Variants in RASGRF2 observed in about 807,000 individuals in gnomAD.
RASGRF2 encodes the protein Ras protein specific guanine nucleotide releasing factor 2.
In RASGRF2, 76 loss-of-function variants were observed where a neutral mutation model predicts 151.0. That is an observed-to-expected ratio of 0.50 (90% CI 0.42 to 0.61). RASGRF2 has a LOEUF of 0.61. Ranked by LOEUF, RASGRF2 falls within the 20% of genes least tolerant of loss-of-function variation. RASGRF2 has a pLI of 0.00. For synonymous variants in RASGRF2, 504 were observed against 566.5 expected, an observed-to-expected ratio of 0.89 and a Z score of 1.57; for missense variants, 1,148 against 1,564.6, an observed-to-expected ratio of 0.73 and a Z score of 4.49.
At chr5:81,217,618 C>A in intron 25 of RASGRF2, 145 bp downstream of exon 25, 1 of 651,880 alleles carries the variant, frequency 1.5e-6, no homozygotes, top group Non-Finnish European at 2.2e-6. Context: ...CTCAGTCTAT[C>A]GCCCAGGCTG....
At chr5:81,007,484 A>C (rs1749309958) in intron 1 of RASGRF2, among the ~76,000 whole-genome samples, 1 of 152,080 alleles carries the variant, frequency 6.6e-6, no homozygotes, top group Non-Finnish European at 1.5e-5. Context: ...ACACCTCCAC[A>C]CTGGCACCAA....
intron 2 of RASGRF2, among the ~76,000 whole-genome samples, chr5:81,061,705 T>A (rs1751438682): frequency 6.6e-6 from 1 of 151,866 alleles, no homozygotes; most frequent in African/African-American, 2.4e-5. Context: ...CCTTCCTTTC[T>A]GAGATAGGGT....
At position 81,085,914 on chromosome 5, in the gene RASGRF2, A is replaced by T; in HGVS notation, c.1271+3A>T. ...TCAAAGCTAGAGGAACTATCCAGGT[A>T]TGCCAAGAACTTATAACAAAGGCTT... On this transcript the variant is annotated splice_donor_region_variant and intron_variant, in intron 8 of 26. Transcript: ENST00000265080. 1 of 1,614,114 alleles carries T rather than the reference A, an allele frequency of 6.2e-7. No homozygotes were observed. The highest frequency in any genetic ancestry group is 8.5e-7 in the Non-Finnish European group (1 of 1,179,968).
intron 19 of RASGRF2, among the ~76,000 whole-genome samples, chr5:81,205,988 A>T (rs1033660753): frequency 2.0e-5 from 3 of 152,060 alleles, no homozygotes; most frequent in African/African-American, 7.2e-5. Context: ...TGACCTCATG[A>T]TCTGCCCTCC....
At chr5:81,064,522 C>T (rs566721690) in intron 2 of RASGRF2, among the ~76,000 whole-genome samples, 3 of 152,226 alleles carry the variant, frequency 2.0e-5, no homozygotes, top group Non-Finnish European at 4.4e-5. Context: ...ATTAGGGGGC[C>T]ATCTTAGATG....
At position 81,113,554 on chromosome 5, in the gene RASGRF2, T is replaced by G. The variant is rs1753061115; in HGVS notation, c.2104T>G (p.Phe702Val). The change falls in exon 15 of 27, where the codon TTT (phenylalanine) becomes GTT (valine). Residue 702 changes from phenylalanine (F) to valine (V), a missense_variant. By Grantham distance (50) the Phe-to-Val change is conservative. Transcript: ENST00000265080. ...SIPVRSLELF[F>V]ATSQNNRGEH... ...CATTTTTAGGTCATTGGAATTGTTT[T>G]TTGCTACCAGCCAGAACAACAGAGG... 2.5e-6 allele frequency: 4 copies of G among 1,611,018 alleles called. No individual in the cohort carries two copies. Among genetic ancestry groups the G allele is most frequent in the Non-Finnish European group, 3.4e-6 (4 of 1,177,442 alleles).
intron 1 of RASGRF2, among the ~76,000 whole-genome samples, chr5:81,017,501 G>C (rs564203926): frequency 6.6e-6 from 1 of 152,306 alleles, no homozygotes; most frequent in South Asian, 2.1e-4. Flanking sequence ...AGGTTTAAAG[G>C]GAATTGAACC....
chr5:80,960,588 G>A lies in RASGRF2; in HGVS notation c.-151G>A. The A allele has an allele frequency of 1.4e-6, 1 of 716,018 alleles. No individual in the cohort carries two copies. The highest frequency in any genetic ancestry group is 1.9e-6 in the Non-Finnish European group (1 of 524,604). 44.4% of individuals were successfully genotyped at this position (716,018 alleles called of 1,614,324 possible). On this transcript the variant is annotated 5_prime_UTR_variant, in exon 1 of 27. Transcript: ENST00000265080. This position sits in a 1 kb window ranked among gnomAD's most constrained non-coding sequence, Gnocchi z 5.5. The stretch of plus-strand genomic sequence containing the variant: ...CCGCGCGCCGCGGCCTCCCGAAAGC[G>A]GGCGGGGTGCCCTGCGCGCGGCGTG...
At chr5:80,966,911 TAATATACTACAG>T (rs1486897316) in intron 1 of RASGRF2, among the ~76,000 whole-genome samples, 1 of 152,194 alleles carries the variant, frequency 6.6e-6, no homozygotes, top group African/African-American at 2.4e-5. Context: ...TTTATTTAAC[TAATATACTACAG>T]TGTTTCTTTT....
chr5:81,073,687 C>T (rs1028109629), intron 5 of RASGRF2, among the ~76,000 whole-genome samples: 18 of 152,118 alleles, frequency 1.2e-4, no homozygotes, highest in African/African-American at 3.1e-4. Context: ...GGCACAATCT[C>T]GGCTCACTGC....
At chr5:81,107,422 T>C (rs1752875972) in intron 12 of RASGRF2, among the ~76,000 whole-genome samples, 2 of 152,156 alleles carry the variant, frequency 1.3e-5, no homozygotes, top group African/African-American at 4.8e-5. Flanking sequence ...ATTCAATATT[T>C]CTCTTGATGA....
intron 18 of RASGRF2, among the ~76,000 whole-genome samples, chr5:81,186,741 C>T (rs1006597752): frequency 3.3e-5 from 5 of 152,282 alleles, no homozygotes; most frequent in East Asian, 1.9e-4. Context: ...AGAATTTTTA[C>T]GTCTCCAAAA....
intron 9 of RASGRF2, 23 bp downstream of exon 9, chr5:81,086,976 C>T (rs1752248058): frequency 1.9e-6 from 3 of 1,578,280 alleles, no homozygotes; most frequent in Non-Finnish European, 2.6e-6. Flanking sequence ...GAAATGGACC[C>T]GCGACCTGAT....
chr5:81,061,655 T>C (rs1195041223), intron 2 of RASGRF2, among the ~76,000 whole-genome samples: 1 of 151,560 alleles, frequency 6.6e-6, no homozygotes, highest in African/African-American at 2.4e-5. Context: ...ACTATAGGTG[T>C]ATGCTACCAC....
intron 1 of RASGRF2, among the ~76,000 whole-genome samples, chr5:81,023,609 G>A (rs1470296633): frequency 6.6e-6 from 1 of 152,252 alleles, no homozygotes; most frequent in East Asian, 1.9e-4. Flanking sequence ...TCCTAAAAGT[G>A]TAACATGTAG....
At chr5:81,026,800 CT>C (rs1750051309) in intron 1 of RASGRF2, among the ~76,000 whole-genome samples, 1 of 151,988 alleles carries the variant, frequency 6.6e-6, no homozygotes, top group Admixed American at 6.6e-5. Context: ...GTTATATTAA[CT>C]TTTTTATACT....
intron 19 of RASGRF2, among the ~76,000 whole-genome samples, chr5:81,203,787 G>A (rs1755446989): frequency 6.6e-6 from 1 of 152,220 alleles, no homozygotes; most frequent in Non-Finnish European, 1.5e-5. Flanking sequence ...AAATGTGTAA[G>A]GAGGTTAACA....
In RASGRF2 at chr5:81,042,904, G is replaced by C. The variant is rs267600713; in HGVS notation, c.316G>C (p.Glu106Gln). ...TTACTTTACTGTTCTTTTTGGCCAT[G>C]AAGGTCAGAAGCCACTGGAGCTGCG... ...QYYFTVLFGH[E>Q]GQKPLELRCE... The change falls in exon 2 of 27, where the codon GAA (glutamate) becomes CAA (glutamine). Residue 106 changes from glutamate (E) to glutamine (Q), a missense_variant. Glu to Gln is a conservative substitution (Grantham distance 29). Coordinates refer to ENST00000265080, the MANE Select transcript of RASGRF2 (RefSeq NM_006909.3). The C allele has an allele frequency of 1.2e-6, 2 of 1,612,234 alleles. No homozygotes were observed. The highest frequency in any genetic ancestry group is 1.7e-6 in the Non-Finnish European group (2 of 1,179,500).
intron 1 of RASGRF2, among the ~76,000 whole-genome samples, chr5:81,009,189 T>A (rs1580198923): frequency 6.6e-6 from 1 of 152,170 alleles, no homozygotes; most frequent in East Asian, 1.9e-4. Context: ...GAGAACTCGA[T>A]GAGAAAATGC....
Sources: gnomAD v4.1 joint callset for allele counts (sites outside exome capture counted in the v4.1 genomes callset) on GRCh38, gnomAD v4.1.1 for gene constraint, Gnocchi (gnomAD v3.1) non-coding constraint, MANE v1.5 for transcripts, NCBI Gene and HGNC (gene_info 2026-07-23, HGNC 2026-07-21) for gene names.